Variants in DAP observed in about 807,000 individuals in gnomAD.
The protein encoded by DAP is death-associated protein 1.
DAP carries 8 observed loss-of-function variants against 13.8 expected under a neutral mutation model. The ratio of observed to expected loss-of-function variants is 0.58; its 90% CI spans 0.34 to 1.05. The LOEUF is 1.05. Ranked by LOEUF, DAP falls within the 50% of genes least tolerant of loss-of-function variation. DAP has a pLI of 0.03. For missense variants in DAP, 106 were observed against 133.2 expected (o/e 0.80, Z 1.01); for synonymous variants, 47 against 47.5 (o/e 0.99, Z 0.04).
chr5:10,747,802 G>A (rs147423673), intron 2 of DAP, among the ~76,000 whole-genome samples: 6 of 152,324 alleles, frequency 3.9e-5, no homozygotes, highest in African/African-American at 1.4e-4. Context: ...TGAGCCACAG[G>A]AAGCTGCTCC....
intron 2 of DAP, among the ~76,000 whole-genome samples, chr5:10,713,475 C>A (rs1738902795): frequency 6.6e-6 from 1 of 152,250 alleles, no homozygotes; most frequent in Admixed American, 6.5e-5. Flanking sequence ...CCACCACCAA[C>A]AGCCATTCAT....
chr5:10,708,712 G>T (rs1396465736), intron 2 of DAP, among the ~76,000 whole-genome samples: 1 of 152,186 alleles, frequency 6.6e-6, no homozygotes, highest in African/African-American at 2.4e-5. Context: ...AAGTCCTTGT[G>T]CGGTTGTGCA....
At position 10,733,152 on chromosome 5, in the gene DAP, C is replaced by CTG. The variant is rs1739509098; in HGVS notation, c.152+15021_152+15022dup. Among the ~76,000 whole-genome samples, 6 of 133,558 alleles carry CTG rather than the reference C, an allele frequency of 4.5e-5. No homozygotes were observed. The South Asian group carries it at 1.3e-3, about 28-fold the overall frequency. 87.6% of individuals were successfully genotyped at this position (133,558 alleles called of 152,430 possible). ...CCCTTTTTAAGGTTGAATAATATTC[C>CTG]TGCGTGTGTGTGTGTGTGTGTGTGT... On this transcript the variant is annotated intron_variant, in intron 2 of 3. Transcript: ENST00000230895.
chr5:10,722,858 C>A (rs1739192397), intron 2 of DAP, among the ~76,000 whole-genome samples: 1 of 152,154 alleles, frequency 6.6e-6, no homozygotes, highest in Admixed American at 6.5e-5. Context: ...CTATTCCCCA[C>A]CATCCTTTAC....
At chr5:10,718,497 T>C (rs890098777) in intron 2 of DAP, among the ~76,000 whole-genome samples, 2 of 152,158 alleles carry the variant, frequency 1.3e-5, no homozygotes, top group African/African-American at 2.4e-5. Flanking sequence ...CAATATTGCA[T>C]TCCTGGAGGG....
At chr5:10,747,040 G>C (rs946436807) in intron 2 of DAP, among the ~76,000 whole-genome samples, 1 of 152,170 alleles carries the variant, frequency 6.6e-6, no homozygotes, top group Non-Finnish European at 1.5e-5. Flanking sequence ...TACATAAACT[G>C]GGGAGAATAC....
rs569354657 is a variant in DAP at position 10,753,637 on chromosome 5, A to G, written c.56-5366T>C. Reference sequence around the variant, plus strand: ...AGTCACTGGTGGCTTGCTATCTGCTAGTGCCAAATAGCAAACTAGAAAATG... The same window carrying G: ...AGTCACTGGTGGCTTGCTATCTGCTGGTGCCAAATAGCAAACTAGAAAATG... On this transcript the variant is annotated intron_variant, in intron 1 of 3. Coordinates refer to ENST00000230895, the MANE Select transcript of DAP (RefSeq NM_004394.3). Among the ~76,000 whole-genome samples the G allele has an allele frequency of 1.2e-4, 18 of 152,364 alleles. No homozygotes were observed. The East Asian group carries it at 1.9e-3, about 16-fold the overall frequency.
At chr5:10,698,274 A>T (rs1481173239) in intron 2 of DAP, among the ~76,000 whole-genome samples, 1 of 132,964 alleles carries the variant, frequency 7.5e-6, no homozygotes, top group Non-Finnish European at 1.6e-5. Context: ...GGCCTTTTCC[A>T]GACTTAGCAA....
chr5:10,749,561 T>C (rs1739994370), intron 1 of DAP, among the ~76,000 whole-genome samples: 1 of 152,200 alleles, frequency 6.6e-6, no homozygotes, highest in Non-Finnish European at 1.5e-5. Flanking sequence ...AATATGTTAA[T>C]ACTGTGTTGT....
chr5:10,745,375 C>T (rs1739873826), intron 2 of DAP, among the ~76,000 whole-genome samples: 1 of 152,194 alleles, frequency 6.6e-6, no homozygotes, highest in Non-Finnish European at 1.5e-5. Flanking sequence ...TGTATCCTAG[C>T]AATTTGGCTG....
At chr5:10,682,339 T>C (rs576692733) in intron 3 of DAP, among the ~76,000 whole-genome samples, 2 of 148,932 alleles carry the variant, frequency 1.3e-5, no homozygotes, top group East Asian at 4.0e-4. Context: ...AGCATGGCGG[T>C]TGTATATGAG....
At chr5:10,752,881 G>A (rs1561036233) in intron 1 of DAP, among the ~76,000 whole-genome samples, 2 of 152,226 alleles carry the variant, frequency 1.3e-5, no homozygotes, top group Admixed American at 6.5e-5. Flanking sequence ...TCAACTGTTA[G>A]CTAGTCTTAT....
chr5:10,734,279 A>C (rs933947076), intron 2 of DAP: 1 of 152,368 alleles, frequency 6.6e-6, no homozygotes, highest in African/African-American at 2.4e-5. Context: ...CTGTGGAGGG[A>C]GAGAGAGCAG....
chr5:10,690,637 T>G (rs5745271), intron 2 of DAP, among the ~76,000 whole-genome samples: 76,854 of 152,104 alleles, frequency 0.51, 21,355 homozygotes, highest in East Asian at 0.75. Flanking sequence ...TGGGAATTCT[T>G]TTTTGAGGCT....
At chr5:10,750,981 A>G (rs2111390709) in intron 1 of DAP, among the ~76,000 whole-genome samples, 1 of 152,374 alleles carries the variant, frequency 6.6e-6, no homozygotes, top group South Asian at 2.1e-4. Context: ...AACTGAACTC[A>G]TGTAAAAGCA....
intron 2 of DAP, among the ~76,000 whole-genome samples, chr5:10,717,527 C>T (rs1739021755): frequency 6.6e-6 from 1 of 152,170 alleles, no homozygotes; most frequent in Non-Finnish European, 1.5e-5. Flanking sequence ...GGCAACATCC[C>T]CTTCCCGACC....
At chr5:10,734,098 T>C (rs1050446336) in intron 2 of DAP, 12 of 152,184 alleles carry the variant, frequency 7.9e-5, no homozygotes, top group African/African-American at 2.2e-4. Flanking sequence ...AGTCACACCA[T>C]AAAAACAAAG....
intron 1 of DAP, among the ~76,000 whole-genome samples, chr5:10,758,024 G>A (rs1740236871): frequency 6.6e-6 from 1 of 152,144 alleles, no homozygotes; most frequent in Non-Finnish European, 1.5e-5. Flanking sequence ...AGACACAAAA[G>A]AACATTAAGA....
At chr5:10,741,358 A>G (rs1327573493) in intron 2 of DAP, among the ~76,000 whole-genome samples, 1 of 152,202 alleles carries the variant, frequency 6.6e-6, no homozygotes, top group African/African-American at 2.4e-5. Flanking sequence ...GTCTCAAAAA[A>G]AAGCAGGTGC....
Sources: allele counts gnomAD v4.1 joint callset (sites outside exome capture counted in the v4.1 genomes callset), GRCh38; gene constraint gnomAD v4.1.1; transcripts MANE v1.5; gene names NCBI Gene and HGNC (gene_info 2026-07-23, HGNC 2026-07-21).